Variants in XPNPEP2 observed in about 807,000 individuals in gnomAD.
The protein encoded by XPNPEP2 is xaa-Pro aminopeptidase 2.
Under a neutral mutation model 59.8 loss-of-function variants are expected in XPNPEP2, and 64 were observed. The observed-to-expected ratio is 1.07, with a 90% CI of 0.87 to 1.32. XPNPEP2 has a LOEUF of 1.32. XPNPEP2 is among the 40% of genes most tolerant of loss of function. The pLI is 0.00. For missense variants in XPNPEP2, 575 were observed against 546.8 expected, an observed-to-expected ratio of 1.05 and a Z score of -0.51; for synonymous variants, 235 against 210.0, an observed-to-expected ratio of 1.12 and a Z score of -1.03.
chrX:129,757,055 C>T (rs865945403), intron 14 of XPNPEP2, among the ~76,000 whole-genome samples: 2 of 91,124 alleles, frequency 2.2e-5, no homozygotes, highest in East Asian at 5.6e-4. Context: ...TATACACACA[C>T]ATATATATAC....
chrX:129,757,958 AGAAAAAG>A (rs1926585798), intron 14 of XPNPEP2, among the ~76,000 whole-genome samples: 1 of 103,991 alleles, frequency 9.6e-6, no homozygotes, highest in East Asian at 3.1e-4. Flanking sequence ...AAAGAAAGAA[AGAAAAAG>A]AATAGGCTAA....
rs1926801239 is a variant in XPNPEP2, at chrX:129,768,766, T to C, written c.*281T>C. 1 of 241,227 alleles carries C rather than the reference T, an allele frequency of 4.1e-6. No individual in the cohort carries two copies. Among genetic ancestry groups the C allele is most frequent in the African/African-American group, 2.9e-5 (1 of 34,573 alleles). The allele number at this position is 241,227 out of a possible 1,213,427, so 19.9% of individuals were successfully genotyped here. A position where few individuals can be genotyped will look rare whatever the true frequency, so the allele number is the denominator to read the frequency against. On this transcript the variant is annotated 3_prime_UTR_variant, in exon 21 of 21. Coordinates refer to ENST00000371106, the MANE Select transcript of XPNPEP2 (RefSeq NM_003399.6). ...GATAGGAAAGCCAGCTAGTCTCTTC[T>C]CTTCTGTGATCTCAGTAGGCCTAAC...
At chrX:129,745,329 C>G in intron 4 of XPNPEP2, 63 bp downstream of exon 4, 1 of 1,153,881 alleles carries the variant, frequency 8.7e-7, no homozygotes. Flanking sequence ...CACAGAGGAC[C>G]TAATGTGGCT....
Position 129,756,559 on chromosome X carries a change from T to C in XPNPEP2, c.1367+4T>C. On this transcript the variant is annotated splice_donor_region_variant and intron_variant, in intron 14 of 20. Coordinates refer to ENST00000371106, the MANE Select transcript of XPNPEP2 (RefSeq NM_003399.6). ...TGGACTCTGGGGGGCAGTACTGGTA[T>C]GTACCCCGACCTCACCCTAGCCTGG... 8.3e-7 allele frequency: 1 copy of C among 1,210,154 alleles called. No individual in the cohort carries two copies. The highest frequency in any genetic ancestry group is 1.1e-6 in the Non-Finnish European group (1 of 894,164).
intron 14 of XPNPEP2, among the ~76,000 whole-genome samples, chrX:129,757,796 GAAGAAAGAAAGA>G (rs57433903): frequency 0.035 from 1,167 of 33,460 alleles, 39 homozygotes; most frequent in African/African-American, 0.077. Flanking sequence ...ACTATAAAAG[GAAGAAAGAAAGA>G]AAGAAAGAAA....
At chrX:129,744,153 G>A (rs755712790) in intron 3 of XPNPEP2, 82 bp downstream of exon 3, 12 of 881,809 alleles carry the variant, frequency 1.4e-5, no homozygotes, top group Non-Finnish European at 2.0e-5. Flanking sequence ...AAACTCAGAA[G>A]ATGAAGACAG....
intron 6 of XPNPEP2, 165 bp downstream of exon 6, chrX:129,746,846 A>G: frequency 4.1e-6 from 2 of 484,216 alleles, no homozygotes; most frequent in Non-Finnish European, 7.2e-6. Flanking sequence ...GGATGTATTC[A>G]TGGATTGTGT....
At chrX:129,746,949 C>T (rs1926309862) in intron 6 of XPNPEP2, 1 of 371,853 alleles carries the variant, frequency 2.7e-6, no homozygotes, top group South Asian at 3.6e-5. Flanking sequence ...CATTAAAGAG[C>T]TAGTGGATGA....
chrX:129,759,139 T>C (rs778114483), intron 14 of XPNPEP2, 41 bp from the exon 15 acceptor site: 112 of 1,206,758 alleles, frequency 9.3e-5, no homozygotes, highest in South Asian at 2.1e-4. Flanking sequence ...CCCCAGTCCC[T>C]AGCCCCAGGC....
chrX:129,748,020 G>A lies in XPNPEP2; in HGVS notation c.637+267G>A, dbSNP rs778613359. The A allele has an allele frequency of 9.1e-4, 371 of 409,457 alleles. 1 individual carries two copies. Among genetic ancestry groups the A allele is most frequent in the Non-Finnish European group, 1.5e-3 (351 of 232,814 alleles). The allele number at this position is 409,457 out of a possible 1,213,427, so 33.7% of individuals were successfully genotyped here. A position where few individuals can be genotyped will look rare whatever the true frequency, so the allele number is the denominator to read the frequency against. Reference sequence around the variant, plus strand: ...GATTTGAAACAAGATGGAGCAGGAAGGGAGGAAAGAAGGGAAACAGAGAAA... The same window carrying A: ...GATTTGAAACAAGATGGAGCAGGAAAGGAGGAAAGAAGGGAAACAGAGAAA... On this transcript the variant is annotated intron_variant, in intron 7 of 20. Coordinates refer to ENST00000371106, the MANE Select transcript of XPNPEP2 (RefSeq NM_003399.6).
chrX:129,759,800 C>T (rs1270447887), intron 15 of XPNPEP2, among the ~76,000 whole-genome samples: 1 of 112,573 alleles, frequency 8.9e-6, no homozygotes, highest in Non-Finnish European at 1.9e-5. Flanking sequence ...CACAGTTTAG[C>T]GGCGGAGTCT....
At chrX:129,748,168 G>A (rs757942112) in intron 7 of XPNPEP2, among the ~76,000 whole-genome samples, 7 of 111,981 alleles carry the variant, frequency 6.3e-5, no homozygotes, top group Non-Finnish European at 9.4e-5. Flanking sequence ...CTCTTGTGAT[G>A]AAGAATTTAG....
chrX:129,764,950 C>T (rs184611170), intron 19 of XPNPEP2, among the ~76,000 whole-genome samples: 6 of 110,213 alleles, frequency 5.4e-5, no homozygotes, highest in East Asian at 5.6e-4. Context: ...GGCGACAGAG[C>T]GAGAATCTGT....
intron 6 of XPNPEP2, among the ~76,000 whole-genome samples, chrX:129,747,194 T>C (rs1439884184): frequency 8.9e-6 from 1 of 112,699 alleles, no homozygotes; most frequent in Non-Finnish European, 1.9e-5. Context: ...CTCATGAATA[T>C]GTACTGAAAG....
intron 14 of XPNPEP2, among the ~76,000 whole-genome samples, chrX:129,758,370 T>C (rs746606923): frequency 1.8e-5 from 2 of 111,093 alleles, no homozygotes; most frequent in African/African-American, 3.3e-5. Flanking sequence ...TCACTTCCTC[T>C]TCTTTCCTTC....
At chrX:129,742,892 ACT>A (rs1462505518) in intron 2 of XPNPEP2, among the ~76,000 whole-genome samples, 10 of 111,686 alleles carry the variant, frequency 9.0e-5, no homozygotes, top group Admixed American at 5.7e-4. Context: ...ACAGAGCAAG[ACT>A]CTGTCTCAAA....
chrX:129,758,346 G>T (rs1324907181), intron 14 of XPNPEP2, among the ~76,000 whole-genome samples: 1 of 111,017 alleles, frequency 9.0e-6, no homozygotes, highest in Non-Finnish European at 1.9e-5. Context: ...GGTGAGGCCG[G>T]GGAAATAGTC....
chrX:129,759,279 C>A (rs1290061116), intron 15 of XPNPEP2, 39 bp downstream of exon 15: 2 of 1,194,219 alleles, frequency 1.7e-6, no homozygotes, highest in South Asian at 1.8e-5. Flanking sequence ...CACCTTCCCC[C>A]AAGGGGGCAC....
At chrX:129,751,639 G>C in intron 8 of XPNPEP2, 106 bp from the exon 9 acceptor site, 1 of 477,140 alleles carries the variant, frequency 2.1e-6, no homozygotes, top group South Asian at 4.7e-5. Context: ...AGGAAGGAAG[G>C]AAGGGAGGAA....
Sources: gnomAD v4.1 joint callset for allele counts (sites outside exome capture counted in the v4.1 genomes callset) on GRCh38, gnomAD v4.1.1 for gene constraint, MANE v1.5 for transcripts, NCBI Gene and HGNC (gene_info 2026-07-23, HGNC 2026-07-21) for gene names.